The following NTNG2 variants were observed in gnomAD, a reference collection of about 807,000 sequenced individuals.
The protein encoded by NTNG2 is netrin-G2.
NTNG2 carries 15 observed loss-of-function variants against 47.6 expected under a neutral mutation model. The observed-to-expected ratio is 0.32, with a 90% CI of 0.21 to 0.49. The LOEUF is 0.49. Ranked by LOEUF, NTNG2 falls within the 20% of genes least tolerant of loss-of-function variation. The pLI, the probability that NTNG2 is intolerant of heterozygous loss-of-function variation, is 0.99. For synonymous variants in NTNG2, 307 were observed against 324.6 expected (o/e 0.95, Z 0.58); for missense variants, 578 against 764.6 (o/e 0.76, Z 2.88).
intron 2 of NTNG2, among the ~76,000 whole-genome samples, chr9:132,185,385 C>T (rs1837282962): frequency 6.6e-6 from 1 of 152,148 alleles, no homozygotes; most frequent in African/African-American, 2.4e-5. Flanking sequence ...AGCGCCCCAG[C>T]CAGGGGGGCC....
chr9:132,197,387 TC>T lies in NTNG2; in HGVS notation c.214-578del, dbSNP rs1217419739. 6.6e-6 allele frequency among the ~76,000 whole-genome samples: 1 copy of T among 151,942 alleles called. No individual in the cohort carries two copies. The highest frequency in any genetic ancestry group is 1.5e-5 in the Non-Finnish European group (1 of 68,006). ...CTGGGAAACATAGCAAGACTCCATC[TC>T]AATAAAAAAATAAAATTAAAATTAA... On this transcript the variant is annotated intron_variant, in intron 2 of 7. Coordinates refer to ENST00000393229, the MANE Select transcript of NTNG2 (RefSeq NM_032536.4). The surrounding 1 kb of genome is among the most constrained non-coding windows in gnomAD (Gnocchi z 4.3).
Position 132,230,612 on chromosome 9 carries a change from G to A in NTNG2, c.1054+17G>A, listed in dbSNP as rs1424838794. On this transcript the variant is annotated intron_variant, in intron 5 of 7. Transcript: ENST00000393229. ...CCTTTGGCAGTAAGTACACGCCTGGGGAGGGTGGCCAGGGCCCCCACTGCA... is the reference window on the plus strand; with the variant it reads ...CCTTTGGCAGTAAGTACACGCCTGGAGAGGGTGGCCAGGGCCCCCACTGCA... The A allele has an allele frequency of 6.2e-7, 1 of 1,603,694 alleles. No homozygotes were observed. The highest frequency in any genetic ancestry group is 8.5e-7 in the Non-Finnish European group (1 of 1,175,336).
At position 132,166,913 on chromosome 9, in the gene NTNG2, A is replaced by G. The variant is rs777449367; in HGVS notation, c.82A>G (p.Thr28Ala). The G allele has an allele frequency of 1.3e-5, 21 of 1,614,188 alleles. No individual in the cohort carries two copies. The highest frequency in any genetic ancestry group is 8.5e-7 in the Non-Finnish European group (1 of 1,180,028). ...DYDICKSWVT[T>A]DEGPTWEFYA... ...TGACATCTGCAAATCCTGGGTGACC[A>G]CAGATGAGGGCCCCACCTGGGAGTT... Residue 28 changes from threonine (T) to alanine (A), a missense_variant, in exon 2 of 8, where the codon ACA (threonine) becomes GCA (alanine). Transcript: ENST00000393229.
At chr9:132,230,239 G>A (rs1230264264) in intron 4 of NTNG2, among the ~76,000 whole-genome samples, 1 of 152,256 alleles carries the variant, frequency 6.6e-6, no homozygotes, top group African/African-American at 2.4e-5. Flanking sequence ...AAGAGGAGGA[G>A]TGCGTGTGAA....
At chr9:132,200,207 C>A (rs578117955) in intron 3 of NTNG2, among the ~76,000 whole-genome samples, 1 of 152,072 alleles carries the variant, frequency 6.6e-6, no homozygotes. Context: ...AGGGCTGGGG[C>A]GGGCTGAGGG....
chr9:132,179,984 G>T (rs140070239), intron 2 of NTNG2, among the ~76,000 whole-genome samples: 33 of 152,264 alleles, frequency 2.2e-4, no homozygotes, highest in Non-Finnish European at 3.4e-4. Context: ...GGATCCCTGT[G>T]AATCTAACCC....
intron 4 of NTNG2, among the ~76,000 whole-genome samples, chr9:132,228,576 A>G (rs1341037526): frequency 6.6e-6 from 1 of 150,726 alleles, no homozygotes; most frequent in Non-Finnish European, 1.5e-5. Context: ...TTTTTCTTAA[A>G]GATAAGTCTC....
At position 132,222,418 on chromosome 9, in the gene NTNG2, G is replaced by C. The variant is rs541756429; in HGVS notation, c.858-4431G>C. 2.4e-3 allele frequency among the ~76,000 whole-genome samples: 362 copies of C among 152,320 alleles called. 1 individual carries two copies. The highest frequency in any genetic ancestry group is 8.1e-3 in the African/African-American group (337 of 41,570). On this transcript the variant is annotated intron_variant, in intron 3 of 7. Coordinates refer to ENST00000393229, the MANE Select transcript of NTNG2 (RefSeq NM_032536.4). ...TGGCAATGGAGGGATGAGAATGCCA[G>C]GGAAAGAGTGAACAGGCTTTTTAAT...
In NTNG2 at chr9:132,240,983, C is replaced by T; in HGVS notation, c.1296C>T (p.Gly432=). The T allele has an allele frequency of 1.2e-6, 2 of 1,611,106 alleles. No homozygotes were observed. The highest frequency in any genetic ancestry group is 1.7e-6 in the Non-Finnish European group (2 of 1,179,550). ...NETGFCECRE[G]AAGPKCDDCL... ...CCGGCTTCTGCGAGTGCCGCGAGGG[C>T]GCGGCGGGCCCCAAGTGCGACGACT... Residue 432 remains glycine, a synonymous_variant, in exon 7 of 8, where the codon GGC becomes GGT. Coordinates refer to ENST00000393229, the MANE Select transcript of NTNG2 (RefSeq NM_032536.4).
At chr9:132,237,189 G>T (rs1368002588) in intron 5 of NTNG2, among the ~76,000 whole-genome samples, 1 of 152,184 alleles carries the variant, frequency 6.6e-6, no homozygotes, top group South Asian at 2.1e-4. Flanking sequence ...TGATTTGCAA[G>T]CTTGGGATGT....
chr9:132,175,627 G>T (rs1356277951), intron 2 of NTNG2, among the ~76,000 whole-genome samples: 2 of 152,232 alleles, frequency 1.3e-5, no homozygotes, highest in African/African-American at 4.8e-5. Context: ...TTTTTCATCA[G>T]CAGCAGATTT....
chr9:132,175,520 G>A (rs1240192065), intron 2 of NTNG2, among the ~76,000 whole-genome samples: 1 of 152,224 alleles, frequency 6.6e-6, no homozygotes, highest in East Asian at 1.9e-4. Context: ...ACTGATGCAG[G>A]GCTCCTTCCT....
chr9:132,238,460 T>C (rs1841779019), intron 5 of NTNG2, among the ~76,000 whole-genome samples: 1 of 152,166 alleles, frequency 6.6e-6, no homozygotes, highest in African/African-American at 2.4e-5. Flanking sequence ...GGGGGAGGCA[T>C]GCAGGTTCCC....
chr9:132,200,909 G>A (rs1432846074), intron 3 of NTNG2, among the ~76,000 whole-genome samples: 2 of 152,190 alleles, frequency 1.3e-5, no homozygotes, highest in East Asian at 1.9e-4. Flanking sequence ...CTCTGCCCTC[G>A]GGATGCAATT....
chr9:132,175,072 G>T (rs968354999), intron 2 of NTNG2, among the ~76,000 whole-genome samples: 1 of 152,114 alleles, frequency 6.6e-6, no homozygotes, highest in African/African-American at 2.4e-5. Context: ...GGTCAGGAGA[G>T]TGAGGATGTG....
chr9:132,213,867 C>T (rs11243672), intron 3 of NTNG2, among the ~76,000 whole-genome samples: 38,660 of 152,026 alleles, frequency 0.25, 5,749 homozygotes, highest in Non-Finnish European at 0.33. Flanking sequence ...AATGTGGGGA[C>T]GGGTGGTAAC....
intron 3 of NTNG2, among the ~76,000 whole-genome samples, chr9:132,225,541 A>T (rs1221060771): frequency 1.3e-5 from 2 of 152,148 alleles, no homozygotes; most frequent in African/African-American, 4.8e-5. Flanking sequence ...AAGTGCTTGG[A>T]TTATAGGTGT....
intron 6 of NTNG2, 83 bp from the exon 7 acceptor site, chr9:132,240,827 C>A: frequency 6.3e-7 from 1 of 1,596,400 alleles, no homozygotes; most frequent in Non-Finnish European, 8.5e-7. Context: ...GAGATGCTCC[C>A]TGCGAGGCCG....
At chr9:132,167,169 C>T (rs1465034914) in intron 2 of NTNG2, 125 bp downstream of exon 2, 1 of 1,010,394 alleles carries the variant, frequency 9.9e-7, no homozygotes, top group Non-Finnish European at 1.5e-6. Context: ...GCCTCTTGAC[C>T]AGGTCTGGAC....
Sources: gnomAD v4.1 joint callset for allele counts (sites outside exome capture counted in the v4.1 genomes callset) on GRCh38, gnomAD v4.1.1 for gene constraint, Gnocchi (gnomAD v3.1) non-coding constraint, MANE v1.5 for transcripts, NCBI Gene and HGNC (gene_info 2026-07-23, HGNC 2026-07-21) for gene names.